NUCKS1: variants seen among roughly 807,000 people sequenced by gnomAD.
NUCKS1 encodes nuclear ubiquitous casein and cyclin-dependent kinase substrate 1.
In NUCKS1, 2 loss-of-function variants were observed where a neutral mutation model predicts 33.0. The ratio of observed to expected loss-of-function variants is 0.06; its 90% confidence interval spans 0.02 to 0.19. The LOEUF is 0.19. NUCKS1 is among the 10% of genes least tolerant of loss of function. The pLI is 1.00. For missense variants in NUCKS1, 201 were observed against 293.6 expected (o/e 0.68, Z 2.31); for synonymous variants, 106 against 102.8 (o/e 1.03, Z -0.19).
In NUCKS1 at chr1:205,716,513, T is replaced by C. The variant is rs1671824989; in HGVS notation, c.*1767A>G. 1 of 152,240 alleles carries C rather than the reference T, an allele frequency of 6.6e-6. No homozygotes were observed. The highest frequency in any genetic ancestry group is 1.5e-5 in the Non-Finnish European group (1 of 68,046). 9.4% of individuals were successfully genotyped at this position (152,240 alleles called of 1,614,324 possible). On this transcript the variant is annotated 3_prime_UTR_variant, in exon 7 of 7. Transcript: ENST00000367142. The stretch of plus-strand genomic sequence containing the variant: ...AGAATGATCCAACTGCTATTTATGT[T>C]CAAGTCCTGTATTTTTGGCCATGTA...
intron 1 of NUCKS1, among the ~76,000 whole-genome samples, chr1:205,737,068 G>A (rs955735571): frequency 5.3e-5 from 8 of 152,184 alleles, no homozygotes; most frequent in Admixed American, 5.2e-4. Context: ...CTCGCTTCAT[G>A]CTCTAGCTGC....
Position 205,716,841 on chromosome 1 carries a change from G to A in NUCKS1, c.*1439C>T, listed in dbSNP as rs1206744747. ...GACTGCTTTTATAAGGCGTGTAAAA[G>A]TCGGTTTTCAACTGCACACAGGCCT... On this transcript the variant is annotated 3_prime_UTR_variant, in exon 7 of 7. Coordinates refer to ENST00000367142, the MANE Select transcript of NUCKS1 (RefSeq NM_022731.5). 6.6e-6 allele frequency: 1 copy of A among 152,176 alleles called. No individual in the cohort carries two copies. Among genetic ancestry groups the A allele is most frequent in the Non-Finnish European group, 1.5e-5 (1 of 68,026 alleles). The allele number at this position is 152,176 out of a possible 1,614,324, so 9.4% of individuals were successfully genotyped here.
intron 3 of NUCKS1, among the ~76,000 whole-genome samples, chr1:205,727,192 C>T (rs912826131): frequency 2.6e-5 from 4 of 151,974 alleles, no homozygotes; most frequent in South Asian, 2.1e-4. Flanking sequence ...CTCAAACTCC[C>T]GGGCTCAAGC....
intron 1 of NUCKS1, among the ~76,000 whole-genome samples, chr1:205,743,235 T>C (rs1654225654): frequency 6.6e-6 from 1 of 152,240 alleles, no homozygotes; most frequent in Non-Finnish European, 1.5e-5. Context: ...CTTTCTTTCT[T>C]AACTAACGGT....
Position 205,749,976 on chromosome 1 carries a change from T to C in NUCKS1, c.-3A>G, listed in dbSNP as rs761538905. 5 of 1,599,956 alleles carry C rather than the reference T, an allele frequency of 3.1e-6. No individual in the cohort carries two copies. The highest frequency in any genetic ancestry group is 3.4e-6 in the Non-Finnish European group (4 of 1,172,170). ...ACTGACCTGACAGGCCGCGACATGT[T>C]CGCTGTCGAAACAGGACCGAGTCGA... On this transcript the variant is annotated 5_prime_UTR_variant, in exon 1 of 7. Transcript: ENST00000367142.
intron 6 of NUCKS1, among the ~76,000 whole-genome samples, chr1:205,719,136 A>C (rs987928597): frequency 2.6e-5 from 4 of 152,228 alleles, no homozygotes; most frequent in African/African-American, 9.6e-5. Context: ...CGTGGAACTT[A>C]AACGTATTAC....
chr1:205,725,870 G>C (rs1653758056), intron 3 of NUCKS1, among the ~76,000 whole-genome samples: 1 of 152,150 alleles, frequency 6.6e-6, no homozygotes, highest in South Asian at 2.1e-4. Flanking sequence ...ATAAGATAAT[G>C]AATATAATGA....
chr1:205,722,603 G>A (rs938510113), intron 4 of NUCKS1, among the ~76,000 whole-genome samples: 1 of 152,200 alleles, frequency 6.6e-6, no homozygotes, highest in African/African-American at 2.4e-5. Flanking sequence ...ATGTTGGCCA[G>A]GCTGGTCTTG....
rs1311775882 is a variant in NUCKS1, at chr1:205,727,906, AGAG to A, written c.68-104_68-102del. The A allele has an allele frequency of 3.7e-6, 3 of 801,948 alleles. No individual in the cohort carries two copies. The Admixed American group carries it at 8.1e-5, about 22-fold the overall frequency. The allele number at this position is 801,948 out of a possible 1,614,324, so 49.7% of individuals were successfully genotyped here. ...TATCTCTCATGCTGTTTAAATGGTG[AGAG>A]GAGCAGGATTTCCCAAATAGTTTCT... On this transcript the variant is annotated intron_variant, in intron 2 of 6. Coordinates refer to ENST00000367142, the MANE Select transcript of NUCKS1 (RefSeq NM_022731.5).
At chr1:205,741,064 C>G (rs1021300211) in intron 1 of NUCKS1, among the ~76,000 whole-genome samples, 1 of 151,236 alleles carries the variant, frequency 6.6e-6, no homozygotes, top group African/African-American at 2.4e-5. Context: ...CTCAGGAGGC[C>G]GAGGCGGGCG....
In NUCKS1 at chr1:205,750,079, T is replaced by A; in HGVS notation, c.-106A>T. 6.1e-6 allele frequency: 6 copies of A among 978,270 alleles called. No homozygotes were observed. Among genetic ancestry groups the A allele is most frequent in the Non-Finnish European group, 8.4e-6 (6 of 717,896 alleles). The allele number at this position is 978,270 out of a possible 1,614,324, so 60.6% of individuals were successfully genotyped here. ...CCCGAACTTCAGCCGATGGGACCGC[T>A]GCTGCCGAACCCCGAGCTGCTGGCT... On this transcript the variant is annotated 5_prime_UTR_variant, in exon 1 of 7. Transcript: ENST00000367142.
chr1:205,727,873 G>T, intron 2 of NUCKS1, 68 bp from the exon 3 acceptor site: 1 of 1,005,902 alleles, frequency 9.9e-7, no homozygotes, highest in Non-Finnish European at 1.5e-6. Context: ...TATATTTACT[G>T]ACATAATTAT....
chr1:205,720,295 T>C (rs1489390170), intron 5 of NUCKS1, among the ~76,000 whole-genome samples: 1 of 152,208 alleles, frequency 6.6e-6, no homozygotes, highest in East Asian at 1.9e-4. Flanking sequence ...GGTGCAACCA[T>C]TACAAATGGT....
At chr1:205,746,488 C>CA (rs778344778) in intron 1 of NUCKS1, among the ~76,000 whole-genome samples, 3 of 123,828 alleles carry the variant, frequency 2.4e-5, no homozygotes, top group Non-Finnish European at 5.4e-5. Flanking sequence ...CACACACACA[C>CA]TAGAGAATAA....
chr1:205,724,013 A>C (rs765100310), intron 3 of NUCKS1, 32 bp from the exon 4 acceptor site: 1 of 1,527,358 alleles, frequency 6.5e-7, no homozygotes, highest in Non-Finnish European at 9.1e-7. Flanking sequence ...CAAATGCATA[A>C]AAGTCTTAGC....
At chr1:205,749,821 T>TGCGCGCGGGCCCCGAAAGGGAGGAGGCC (rs1188545993) in intron 1 of NUCKS1, 136 bp downstream of exon 1, 6 of 900,712 alleles carry the variant, frequency 6.7e-6, no homozygotes, top group African/African-American at 3.6e-5. Context: ...CGCTCAAGGG[T>TGCGCGCGGGCCCCGAAAGGGAGGAGGCC]GCGCGCGGGC....
At position 205,716,602 on chromosome 1, in the gene NUCKS1, T is replaced by C. The variant is rs2102427461; in HGVS notation, c.*1678A>G. The stretch of plus-strand genomic sequence containing the variant: ...ATAGTGAAATGACTCTGCCACTGTG[T>C]GTTTTTTAAAAAAAGATCAGAGTAA... On this transcript the variant is annotated 3_prime_UTR_variant, in exon 7 of 7. Transcript: ENST00000367142. 6.6e-6 allele frequency: 1 copy of C among 152,292 alleles called. No individual in the cohort carries two copies. The highest frequency in any genetic ancestry group is 2.1e-4 in the South Asian group (1 of 4,826). The allele number at this position is 152,292 out of a possible 1,614,324, so 9.4% of individuals were successfully genotyped here.
At chr1:205,728,660 A>G (rs1653834495) in intron 2 of NUCKS1, among the ~76,000 whole-genome samples, 1 of 152,118 alleles carries the variant, frequency 6.6e-6, no homozygotes, top group Non-Finnish European at 1.5e-5. Flanking sequence ...AAGGGCACAT[A>G]TTATCTTTAT....
At chr1:205,749,003 G>A (rs1654402742) in intron 1 of NUCKS1, among the ~76,000 whole-genome samples, 1 of 152,086 alleles carries the variant, frequency 6.6e-6, no homozygotes, top group African/African-American at 2.4e-5. Flanking sequence ...CGACAGCTGG[G>A]GGAATAGCAA....
Sources: allele counts gnomAD v4.1 joint callset (sites outside exome capture counted in the v4.1 genomes callset), GRCh38; gene constraint gnomAD v4.1.1; transcripts MANE v1.5; gene names NCBI Gene and HGNC (gene_info 2026-07-23, HGNC 2026-07-21).